Variants in MYO3A observed in about 807,000 individuals in gnomAD.
MYO3A encodes myosin IIIA, also known as myosin-IIIa.
In MYO3A, 180 loss-of-function variants were observed where a neutral mutation model predicts 192.7. The ratio of observed to expected loss-of-function variants is 0.93; its 90% CI spans 0.83 to 1.06. MYO3A has a LOEUF of 1.06. Among genes scored for constraint, MYO3A ranks in the 50% least tolerant of loss-of-function variants. The pLI, the probability that MYO3A is intolerant of heterozygous loss-of-function variation, is 0.00. For missense variants in MYO3A, 1,896 were observed against 1,905.0 expected, an observed-to-expected ratio of 1.00 and a Z score of 0.09; for synonymous variants, 628 against 645.3, an observed-to-expected ratio of 0.97 and a Z score of 0.41.
At chr10:25,939,756 T>A (rs1451616244) in intron 2 of MYO3A, among the ~76,000 whole-genome samples, 1 of 152,046 alleles carries the variant, frequency 6.6e-6, no homozygotes, top group East Asian at 1.9e-4. Context: ...TTGTTAATTA[T>A]GTTGTTCAAA....
chr10:26,043,500 A>T (rs1439676785), intron 10 of MYO3A, among the ~76,000 whole-genome samples: 4 of 152,126 alleles, frequency 2.6e-5, no homozygotes, highest in Non-Finnish European at 5.9e-5. Context: ...GTTCTATTGT[A>T]GTGTGGGTGA....
At chr10:26,141,072 C>A (rs1840135408) in intron 20 of MYO3A, among the ~76,000 whole-genome samples, 1 of 152,086 alleles carries the variant, frequency 6.6e-6, no homozygotes, top group Admixed American at 6.6e-5. Flanking sequence ...GGGCTCCAGG[C>A]ACCCACCACC....
intron 14 of MYO3A, among the ~76,000 whole-genome samples, chr10:26,085,599 C>T (rs1477496423): frequency 1.3e-5 from 2 of 152,200 alleles, no homozygotes; most frequent in Non-Finnish European, 2.9e-5. Context: ...GGCTTGGAGG[C>T]TCAGGGTGCA....
Position 26,021,551 on chromosome 10 carries a change from G to A in MYO3A, c.634G>A (p.Asp212Asn). The A allele has an allele frequency of 6.2e-7, 1 of 1,614,142 alleles. No homozygotes were observed. The highest frequency in any genetic ancestry group is 8.5e-7 in the Non-Finnish European group (1 of 1,179,980). Residue 212 changes from aspartate (D) to asparagine (N), a missense_variant, in exon 8 of 35, where the codon GAC (aspartate) becomes AAC (asparagine). Asp to Asn is a conservative substitution (Grantham distance 23). Coordinates refer to ENST00000642920, the MANE Select transcript of MYO3A (RefSeq NM_017433.5). ...QLDTTYDARC[D>N]TWSLGITAIE... ...GGATACCACTTATGACGCCAGATGT[G>A]ACACTTGGTCCCTGGGTATCACGGC...
chr10:26,068,887 A>G lies in MYO3A; in HGVS notation c.1170+3A>G. On this transcript the variant is annotated splice_donor_region_variant and intron_variant, in intron 12 of 34. Transcript: ENST00000642920. ...GTCTGGGTCTTTACTCCACAAAGGTATGTCGTATGGGGTGCATTCTGTTAC... is the reference window on the plus strand; with the variant it reads ...GTCTGGGTCTTTACTCCACAAAGGTGTGTCGTATGGGGTGCATTCTGTTAC... The G allele has an allele frequency of 6.5e-7, 1 of 1,534,582 alleles. No individual in the cohort carries two copies. Among genetic ancestry groups the G allele is most frequent in the East Asian group, 2.3e-5 (1 of 44,416 alleles).
chr10:25,959,033 C>T (rs1239337269), intron 4 of MYO3A, among the ~76,000 whole-genome samples: 1 of 152,032 alleles, frequency 6.6e-6, no homozygotes, highest in Non-Finnish European at 1.5e-5. Context: ...TGAGATCTTG[C>T]TGAAGTTGTT....
intron 11 of MYO3A, among the ~76,000 whole-genome samples, chr10:26,067,521 G>T (rs1445960871): frequency 6.6e-6 from 1 of 152,164 alleles, no homozygotes; most frequent in Non-Finnish European, 1.5e-5. Context: ...CTTAGTGGCT[G>T]TACCCAGAAA....
chr10:26,209,018 C>T (rs1277967576), intron 34 of MYO3A, among the ~76,000 whole-genome samples: 4 of 152,158 alleles, frequency 2.6e-5, no homozygotes, highest in Non-Finnish European at 5.9e-5. Flanking sequence ...TTCCTTATGC[C>T]ACTTTCCCTG....
intron 4 of MYO3A, among the ~76,000 whole-genome samples, chr10:25,994,985 G>A (rs1270213588): frequency 6.6e-6 from 1 of 152,102 alleles, no homozygotes; most frequent in Admixed American, 6.5e-5. Flanking sequence ...ACAATTATGT[G>A]TCTTGGAGTT....
At chr10:26,062,076 C>A (rs1834518572) in intron 10 of MYO3A, among the ~76,000 whole-genome samples, 1 of 152,082 alleles carries the variant, frequency 6.6e-6, no homozygotes, top group South Asian at 2.1e-4. Context: ...AGTCATTCAA[C>A]TAAAGTTTAT....
chr10:26,155,360 T>C lies in MYO3A; in HGVS notation c.2793+537T>C, dbSNP rs573333141. On this transcript the variant is annotated intron_variant, in intron 25 of 34. Coordinates refer to ENST00000642920, the MANE Select transcript of MYO3A (RefSeq NM_017433.5). Reference sequence around the variant, plus strand: ...TAGGATCAAGGCGACCTTCCTTCCTTGGGCAATGTAGGATAAAAGAAAAAA... The same window carrying C: ...TAGGATCAAGGCGACCTTCCTTCCTCGGGCAATGTAGGATAAAAGAAAAAA... 5.3e-5 allele frequency among the ~76,000 whole-genome samples: 8 copies of C among 152,328 alleles called. No homozygotes were observed. In the East Asian group the frequency reaches 1.5e-3, roughly 29 times the overall value.
Position 26,124,934 on chromosome 10 carries a change from T to G in MYO3A, c.1904-464T>G, listed in dbSNP as rs557679128. ...AGTTTGTGCTCTTTCTGTTGTGTAT[T>G]GCAGAAGGTACTTGAAATACATTTA... On this transcript the variant is annotated intron_variant, in intron 18 of 34. Transcript: ENST00000642920. Among the ~76,000 whole-genome samples the G allele has an allele frequency of 2.0e-5, 3 of 152,312 alleles. No homozygotes were observed. The East Asian group carries it at 5.8e-4, about 29-fold the overall frequency.
intron 4 of MYO3A, among the ~76,000 whole-genome samples, chr10:25,971,804 T>G (rs1337382791): frequency 6.7e-6 from 1 of 149,400 alleles, no homozygotes; most frequent in African/African-American, 2.4e-5. Flanking sequence ...TTTTTACTAT[T>G]GTGTGACTAG....
At chr10:25,938,928 A>G (rs1485598001) in intron 2 of MYO3A, among the ~76,000 whole-genome samples, 2 of 152,166 alleles carry the variant, frequency 1.3e-5, no homozygotes, top group East Asian at 1.9e-4. Context: ...TCTTTCACCA[A>G]TAGATTTGGT....
chr10:26,090,841 A>T (rs985072328), intron 15 of MYO3A, among the ~76,000 whole-genome samples: 1 of 152,262 alleles, frequency 6.6e-6, no homozygotes, highest in African/African-American at 2.4e-5. Flanking sequence ...TGAGAAGCCC[A>T]TGGACTAACA....
chr10:26,199,760 A>G (rs2132193263), intron 32 of MYO3A, among the ~76,000 whole-genome samples: 1 of 152,214 alleles, frequency 6.6e-6, no homozygotes, highest in East Asian at 1.9e-4. Flanking sequence ...ACATTATTTG[A>G]TTCTTGGTTA....
chr10:26,003,623 A>T (rs1164512660), intron 6 of MYO3A, among the ~76,000 whole-genome samples: 1 of 152,180 alleles, frequency 6.6e-6, no homozygotes, highest in East Asian at 1.9e-4. Context: ...TCAATCAATA[A>T]TATGACTTCC....
chr10:26,114,657 A>T (rs1042902371), intron 17 of MYO3A, among the ~76,000 whole-genome samples: 1 of 152,198 alleles, frequency 6.6e-6, no homozygotes, highest in Non-Finnish European at 1.5e-5. Flanking sequence ...AATAAGAAAG[A>T]TTCTGTTTTG....
At chr10:26,189,078 C>T (rs1252058346) in intron 31 of MYO3A, among the ~76,000 whole-genome samples, 1 of 152,080 alleles carries the variant, frequency 6.6e-6, no homozygotes, top group East Asian at 1.9e-4. Context: ...CAAACCACTG[C>T]TCAATGAAAT....
Sources: allele counts gnomAD v4.1 joint callset (sites outside exome capture counted in the v4.1 genomes callset), GRCh38; gene constraint gnomAD v4.1.1; transcripts MANE v1.5; gene names NCBI Gene and HGNC (gene_info 2026-07-23, HGNC 2026-07-21).